Variants in RPL11 observed in about 807,000 individuals in gnomAD.
RPL11 encodes large ribosomal subunit protein uL5.
Under a neutral mutation model 24.1 loss-of-function variants are expected in RPL11, and 3 were observed. The ratio of observed to expected loss-of-function variants is 0.12; its 90% CI spans 0.06 to 0.32. The LOEUF (loss-of-function observed/expected upper bound fraction) is 0.32, where lower values mean the gene tolerates loss of function less well. Ranked by LOEUF, RPL11 falls within the 10% of genes least tolerant of loss-of-function variation. RPL11 has a pLI of 1.00. For synonymous variants in RPL11, 96 were observed against 75.7 expected (o/e 1.27, Z -1.39); for missense variants, 146 against 225.7 (o/e 0.65, Z 2.26).
rs79924731 is a variant in RPL11 at position 23,692,475 on chromosome 1, T to A, written c.7-134T>A. ...TCTTCCCTTGATGTCCCCTAAACATTATACCTTTTAAACATTCAGGGTCTT... is the reference window on the plus strand; with the variant it reads ...TCTTCCCTTGATGTCCCCTAAACATAATACCTTTTAAACATTCAGGGTCTT... On this transcript the variant is annotated intron_variant, in intron 1 of 5. Transcript: ENST00000643754. 2.6e-6 allele frequency: 3 copies of A among 1,164,750 alleles called. No homozygotes were observed. In the African/African-American group the frequency reaches 4.5e-5, roughly 18 times the overall value. 72.2% of individuals were successfully genotyped at this position (1,164,750 alleles called of 1,614,324 possible). A position where few individuals can be genotyped will look rare whatever the true frequency, so the allele number is the denominator to read the frequency against.
chr1:23,692,003 T>C (rs1570565930), intron 1 of RPL11, 174 bp downstream of exon 1: 1 of 873,174 alleles, frequency 1.1e-6, no homozygotes. Flanking sequence ...TCTGTCACTT[T>C]CCCTGCCATC....
intron 2 of RPL11, among the ~76,000 whole-genome samples, chr1:23,693,086 C>T (rs1026453858): frequency 2.0e-5 from 3 of 152,072 alleles, no homozygotes. Flanking sequence ...GTTATATAGG[C>T]TGCATTAAGA....
At chr1:23,695,110 C>T (rs914048158) in intron 4 of RPL11, 2 of 404,058 alleles carry the variant, frequency 4.9e-6, no homozygotes, top group Non-Finnish European at 9.4e-6. Context: ...AGTATTGGTG[C>T]CACATTTGGC....
Position 23,693,868 on chromosome 1 carries a change from A to T in RPL11, c.219A>T (p.Thr73=), listed in dbSNP as rs758505663. 6.2e-7 allele frequency: 1 copy of T among 1,614,164 alleles called. No homozygotes were observed. Among genetic ancestry groups the T allele is most frequent in the East Asian group, 2.2e-5 (1 of 44,878 alleles). Residue 73 remains threonine (T), a synonymous_variant, in exon 3 of 6, where the codon ACA becomes ACT. Coordinates refer to ENST00000643754, the MANE Select transcript of RPL11 (RefSeq NM_000975.5). The part of the protein sequence containing the change: ...RRNEKIAVHC[T]VRGAKAEEIL... ...ATGAAAAGATTGCTGTCCACTGCAC[A>T]GTTCGAGGGGCCAAGGCAGAAGAAA...
intron 1 of RPL11, chr1:23,692,099 G>A: frequency 3.4e-6 from 2 of 580,930 alleles, no homozygotes; most frequent in Non-Finnish European, 6.1e-6. Flanking sequence ...GGTGAATGGA[G>A]GGTTCTGAGG....
At chr1:23,694,383 A>AC (rs1644520802) in intron 3 of RPL11, among the ~76,000 whole-genome samples, 1 of 150,794 alleles carries the variant, frequency 6.6e-6, no homozygotes, top group Admixed American at 6.6e-5. Flanking sequence ...TGTCTCAAAA[A>AC]AAAAAAAGAA....
intron 4 of RPL11, 82 bp from the exon 5 acceptor site, chr1:23,695,716 G>A: frequency 7.8e-7 from 1 of 1,286,388 alleles, no homozygotes; most frequent in South Asian, 1.3e-5. Context: ...ACTCTTTGAA[G>A]ATCTGTCTGT....
At chr1:23,692,799 G>A in intron 2 of RPL11, 40 bp downstream of exon 2, 1 of 1,611,644 alleles carries the variant, frequency 6.2e-7, no homozygotes, top group African/African-American at 1.3e-5. Context: ...GCCTGCTTGG[G>A]TCGCTTGGTT....
chr1:23,691,780 A>G, upstream of RPL11: 1 of 1,612,790 alleles, frequency 6.2e-7, no homozygotes, highest in Non-Finnish European at 8.5e-7. Context: ...CTGGCCCATA[A>G]GGCCCTCGGC....
Position 23,692,041 on chromosome 1 carries a change from C to T in RPL11, c.6+212C>T, listed in dbSNP as rs1263181412. The T allele has an allele frequency of 2.1e-5, 14 of 668,460 alleles. No homozygotes were observed. The Admixed American group carries it at 3.2e-4, about 15-fold the overall frequency. 41.4% of individuals were successfully genotyped at this position (668,460 alleles called of 1,614,324 possible). ...TTTAGGAGCGGCTCCGGGCACTTGC[C>T]CGGAGTGCTCAGAAGCACGGTCAGG... On this transcript the variant is annotated intron_variant, in intron 1 of 5. Transcript: ENST00000643754.
rs757566843 is a variant in RPL11, at chr1:23,695,916, T to C, written c.507+8T>C. The C allele has an allele frequency of 3.2e-6, 5 of 1,566,692 alleles. No homozygotes were observed. In the Admixed American group the frequency reaches 9.5e-5, roughly 30 times the overall value. On this transcript the variant is annotated splice_region_variant and intron_variant, in intron 5 of 5. Coordinates refer to ENST00000643754, the MANE Select transcript of RPL11 (RefSeq NM_000975.5). ...CGCTGGTTCCAGCAGAAGGTAAAGC[T>C]GATTTATCTCAAGTGAAGTGGTGGA...
chr1:23,692,566 C>T (rs370525492), intron 1 of RPL11, 43 bp from the exon 2 acceptor site: 1 of 1,613,170 alleles, frequency 6.2e-7, no homozygotes, highest in Non-Finnish European at 8.5e-7. Flanking sequence ...AACTCAGGGC[C>T]CTCAGCTGTG....
At chr1:23,695,517 T>C (rs1644528029) in intron 4 of RPL11, 2 of 462,330 alleles carry the variant, frequency 4.3e-6, no homozygotes, top group Non-Finnish European at 8.0e-6. Flanking sequence ...AAAAGAAAAA[T>C]GGAGATTTGG....
At chr1:23,692,051 C>A in intron 1 of RPL11, 1 of 637,380 alleles carries the variant, frequency 1.6e-6, no homozygotes, top group Non-Finnish European at 2.7e-6. Flanking sequence ...CCGGAGTGCT[C>A]AGAAGCACGG....
intron 4 of RPL11, 107 bp downstream of exon 4, chr1:23,694,898 T>C (rs1410081543): frequency 1.3e-6 from 2 of 1,543,620 alleles, no homozygotes; most frequent in African/African-American, 1.4e-5. Flanking sequence ...CTTTGAATAT[T>C]GTCTGCCTTT....
chr1:23,694,888 C>T lies in RPL11; in HGVS notation c.396+97C>T. ...TTGGTGTTCACATGTTGAGTTGCAG[C>T]TTTGAATATTGTCTGCCTTTGTGTT... On this transcript the variant is annotated intron_variant, in intron 4 of 5. Coordinates refer to ENST00000643754, the MANE Select transcript of RPL11 (RefSeq NM_000975.5). The T allele has an allele frequency of 3.2e-6, 5 of 1,570,844 alleles. No homozygotes were observed. The South Asian group carries it at 4.5e-5, about 14-fold the overall frequency.
At position 23,694,644 on chromosome 1, in the gene RPL11, G is replaced by A; in HGVS notation, c.265-16G>A. 1 of 1,613,748 alleles carries A rather than the reference G, an allele frequency of 6.2e-7. No homozygotes were observed. Among genetic ancestry groups the A allele is most frequent in the Non-Finnish European group, 8.5e-7 (1 of 1,179,802 alleles). On this transcript the variant is annotated splice_polypyrimidine_tract_variant and intron_variant, in intron 3 of 5. Coordinates refer to ENST00000643754, the MANE Select transcript of RPL11 (RefSeq NM_000975.5). Reference sequence around the variant, plus strand: ...GAAGATGACAAGGAATGTTATTGCTGCATTTTTCTCCACAGGTGCGGGAGT... The same window carrying A: ...GAAGATGACAAGGAATGTTATTGCTACATTTTTCTCCACAGGTGCGGGAGT...
intron 1 of RPL11, chr1:23,692,194 G>T (rs1228213792): frequency 2.2e-6 from 1 of 461,774 alleles, no homozygotes; most frequent in Non-Finnish European, 3.9e-6. Flanking sequence ...TCCGCTTAGG[G>T]AAGGTGCCAG....
At chr1:23,694,936 G>C in intron 4 of RPL11, 145 bp downstream of exon 4, 2 of 1,316,584 alleles carry the variant, frequency 1.5e-6, no homozygotes, top group Non-Finnish European at 2.2e-6. Context: ...GGGGAAATGT[G>C]CCTCATTTGT....
Sources: gnomAD v4.1 joint callset for allele counts (sites outside exome capture counted in the v4.1 genomes callset) on GRCh38, gnomAD v4.1.1 for gene constraint, MANE v1.5 for transcripts, NCBI Gene and HGNC (gene_info 2026-07-23, HGNC 2026-07-21) for gene names.